The following MACROD2 variants were observed in gnomAD, a reference collection of about 807,000 sequenced individuals.
MACROD2 encodes the protein mono-ADP ribosylhydrolase 2, also known as ADP-ribose glycohydrolase MACROD2.
In MACROD2, 36 loss-of-function variants were observed where a neutral mutation model predicts 70.4. That is an observed-to-expected ratio of 0.51 (90% CI 0.39 to 0.68). The LOEUF (loss-of-function observed/expected upper bound fraction) is 0.68. Ranked by LOEUF, MACROD2 falls within the 30% of genes least tolerant of loss-of-function variation. The pLI, the probability that MACROD2 is intolerant of heterozygous loss-of-function variation, is 0.00. For missense variants in MACROD2, 496 were observed against 538.4 expected, an observed-to-expected ratio of 0.92 and a Z score of 0.78; for synonymous variants, 172 against 178.8, an observed-to-expected ratio of 0.96 and a Z score of 0.30.
At chr20:14,096,607 G>T (rs2054230311) in intron 3 of MACROD2, among the ~76,000 whole-genome samples, 1 of 152,056 alleles carries the variant, frequency 6.6e-6, no homozygotes, top group African/African-American at 2.4e-5. Flanking sequence ...GGCCTAAAGT[G>T]ATCTGCCCAT....
At chr20:15,606,382 G>A (rs1375286050) in intron 8 of MACROD2, among the ~76,000 whole-genome samples, 1 of 151,930 alleles carries the variant, frequency 6.6e-6, no homozygotes, top group Non-Finnish European at 1.5e-5. Flanking sequence ...CCTCCACCTG[G>A]GATGCTGTTT....
intron 5 of MACROD2, among the ~76,000 whole-genome samples, chr20:15,105,796 C>G (rs17272483): frequency 0.1 from 15,837 of 152,118 alleles, 1,038 homozygotes; most frequent in Middle Eastern, 0.18. Context: ...TGACTACTCA[C>G]AAATATTTTA....
At chr20:15,813,700 GC>G (rs2063843902) in intron 8 of MACROD2, among the ~76,000 whole-genome samples, 1 of 152,238 alleles carries the variant, frequency 6.6e-6, no homozygotes, top group African/African-American at 2.4e-5. Context: ...GATCACTTGA[GC>G]CCAGGAGTTC....
At chr20:14,571,925 A>G (rs1356083547) in intron 4 of MACROD2, among the ~76,000 whole-genome samples, 1 of 152,100 alleles carries the variant, frequency 6.6e-6, no homozygotes, top group Non-Finnish European at 1.5e-5. Context: ...TTATTAGTTC[A>G]AGACTGCCCA....
At chr20:15,104,546 T>A (rs1159906746) in intron 5 of MACROD2, among the ~76,000 whole-genome samples, 7 of 152,188 alleles carry the variant, frequency 4.6e-5, no homozygotes, top group African/African-American at 1.4e-4. Flanking sequence ...AATGACTGTG[T>A]TTGAATAAGT....
intron 3 of MACROD2, among the ~76,000 whole-genome samples, chr20:14,165,056 C>T (rs1043741010): frequency 1.3e-5 from 2 of 152,150 alleles, no homozygotes; most frequent in Non-Finnish European, 2.9e-5. Flanking sequence ...GTAAATGGCA[C>T]TCCAGGGATG....
At chr20:14,261,418 G>A (rs1302569394) in intron 3 of MACROD2, among the ~76,000 whole-genome samples, 1 of 151,854 alleles carries the variant, frequency 6.6e-6, no homozygotes, top group Non-Finnish European at 1.5e-5. Context: ...TACTTATTTT[G>A]AACTCACTGA....
intron 5 of MACROD2, among the ~76,000 whole-genome samples, chr20:15,192,014 G>GTATC (rs71190179): frequency 0.096 from 13,979 of 146,328 alleles, 704 homozygotes; most frequent in African/African-American, 0.11. Flanking sequence ...TATTAACTAT[G>GTATC]TATCTATCTA....
intron 6 of MACROD2, among the ~76,000 whole-genome samples, chr20:15,275,957 A>G (rs759702751): frequency 2.0e-5 from 3 of 152,218 alleles, no homozygotes; most frequent in Non-Finnish European, 4.4e-5. Flanking sequence ...AGAAACTTGT[A>G]GTGGGAATGC....
At chr20:14,361,117 T>G (rs1568576615) in intron 3 of MACROD2, among the ~76,000 whole-genome samples, 1 of 152,186 alleles carries the variant, frequency 6.6e-6, no homozygotes, top group Non-Finnish European at 1.5e-5. Flanking sequence ...TATGTACTTA[T>G]GTGCCAAGGC....
At chr20:15,989,677 T>G (rs1249738502) in intron 15 of MACROD2, among the ~76,000 whole-genome samples, 1 of 152,170 alleles carries the variant, frequency 6.6e-6, no homozygotes, top group East Asian at 1.9e-4. Flanking sequence ...AAATAGTGTC[T>G]TAATGGAAAG....
At chr20:14,164,350 G>C (rs1047946900) in intron 3 of MACROD2, among the ~76,000 whole-genome samples, 2 of 152,172 alleles carry the variant, frequency 1.3e-5, no homozygotes, top group Admixed American at 6.5e-5. Flanking sequence ...AGTGAGCTGA[G>C]TGTGCCTGTC....
chr20:14,326,676 A>G lies in MACROD2; in HGVS notation c.272-166803A>G, dbSNP rs149124349. The G allele has an allele frequency of 3.3e-3, 5,390 of 1,613,796 alleles. 20 individuals carry two copies. The highest frequency in any genetic ancestry group is 3.4e-3 in the Non-Finnish European group (3,978 of 1,179,840). On this transcript the variant is annotated intron_variant, in intron 3 of 17. Transcript: ENST00000684519. This position sits in a 1 kb window ranked among gnomAD's most constrained non-coding sequence, Gnocchi z 5.5. Reference sequence around the variant, plus strand: ...AATTACTTAGGTTATTATTGGACATATCCAGTCGATAGAGCTGCCTTAGAT... The same window carrying G: ...AATTACTTAGGTTATTATTGGACATGTCCAGTCGATAGAGCTGCCTTAGAT...
chr20:15,495,814 T>A (rs2047290026), intron 7 of MACROD2, among the ~76,000 whole-genome samples: 2 of 152,334 alleles, frequency 1.3e-5, no homozygotes, highest in South Asian at 4.1e-4. Flanking sequence ...TACATGGTAT[T>A]ATGAAAACAC....
At chr20:15,429,600 G>A (rs2046340245) in intron 6 of MACROD2, among the ~76,000 whole-genome samples, 1 of 151,934 alleles carries the variant, frequency 6.6e-6, no homozygotes, top group Non-Finnish European at 1.5e-5. Context: ...GAAATAAAAG[G>A]CAGTACACAT....
At chr20:14,916,434 A>C (rs1055606871) in intron 5 of MACROD2, among the ~76,000 whole-genome samples, 4 of 152,182 alleles carry the variant, frequency 2.6e-5, no homozygotes, top group Non-Finnish European at 5.9e-5. Flanking sequence ...TCTGCCAGTT[A>C]CTATCAGTGG....
rs2067459659 is a variant in MACROD2 at position 16,051,618 on chromosome 20, G to A, written c.*1742G>A. The A allele has an allele frequency of 6.6e-6, 1 of 152,146 alleles. No homozygotes were observed. Among genetic ancestry groups the A allele is most frequent in the Non-Finnish European group, 1.5e-5 (1 of 68,036 alleles). 9.4% of individuals were successfully genotyped at this position (152,146 alleles called of 1,614,324 possible). On this transcript the variant is annotated 3_prime_UTR_variant, in exon 18 of 18. Transcript: ENST00000684519. ...TCTATATCCTCTATTGCCGTTAGATGTTGTTGCTTTTCAGAAAAGTAACGA... is the reference window on the plus strand; with the variant it reads ...TCTATATCCTCTATTGCCGTTAGATATTGTTGCTTTTCAGAAAAGTAACGA...
Position 14,002,386 on chromosome 20 carries a change from G to A in MACROD2, c.145G>A (p.Gly49Ser), listed in dbSNP as rs753910851. 3 of 1,598,762 alleles carry A rather than the reference G, an allele frequency of 1.9e-6. No homozygotes were observed. Among genetic ancestry groups the A allele is most frequent in the African/African-American group, 2.7e-5 (2 of 74,130 alleles). ...SILSWKEEMK[G>S]KGQNDEENTQ... ...TCTATCATGGAAGGAGGAGATGAAG[G>A]GCAAGGGCCAAAATGATGGTAAGTT... The change falls in exon 2 of 18, where the codon GGC (glycine) becomes AGC (serine). Residue 49 changes from glycine (G) to serine (S), a missense_variant. Physicochemically the swap from Gly to Ser is moderately conservative, Grantham distance 56. Transcript: ENST00000684519.
intron 5 of MACROD2, among the ~76,000 whole-genome samples, chr20:15,161,162 A>G (rs986454695): frequency 6.6e-6 from 1 of 152,028 alleles, no homozygotes; most frequent in Non-Finnish European, 1.5e-5. Flanking sequence ...CAATGGGACT[A>G]ATCTTCAGCT....
Sources: gnomAD v4.1 joint callset for allele counts (sites outside exome capture counted in the v4.1 genomes callset) on GRCh38, gnomAD v4.1.1 for gene constraint, Gnocchi (gnomAD v3.1) non-coding constraint, MANE v1.5 for transcripts, NCBI Gene and HGNC (gene_info 2026-07-23, HGNC 2026-07-21) for gene names.